APLP2: variants seen among roughly 807,000 people sequenced by gnomAD.
APLP2 encodes the protein CDEI box-binding protein.
APLP2 carries 53 observed loss-of-function variants against 89.9 expected under a neutral mutation model. The ratio of observed to expected loss-of-function variants is 0.59; its 90% CI spans 0.47 to 0.74. The LOEUF (loss-of-function observed/expected upper bound fraction) is 0.74, where lower values mean the gene tolerates loss of function less well. Ranked by LOEUF, APLP2 falls within the 30% of genes least tolerant of loss-of-function variation. APLP2 has a pLI of 0.00. For synonymous variants in APLP2, 372 were observed against 348.6 expected, an observed-to-expected ratio of 1.07 and a Z score of -0.75; for missense variants, 973 against 975.9, an observed-to-expected ratio of 1.00 and a Z score of 0.04.
rs559574802 is a variant in APLP2, at chr11:130,131,742, G to T, written c.1584+1576G>T. Among the ~76,000 whole-genome samples the T allele has an allele frequency of 2.6e-5, 4 of 152,322 alleles. No individual in the cohort carries two copies. In the East Asian group the frequency reaches 7.7e-4, roughly 29 times the overall value. ...TTCTAGCCAGTTTTGTGTGAGAGTA[G>T]AAGGGAAGGAGAGATTTTGATCAGT... On this transcript the variant is annotated intron_variant, in intron 11 of 16. Coordinates refer to ENST00000338167, the MANE Select transcript of APLP2 (RefSeq NM_001142276.2).
At chr11:130,114,385 T>C (rs1244125603) in intron 3 of APLP2, 2 of 152,236 alleles carry the variant, frequency 1.3e-5, no homozygotes, top group African/African-American at 4.8e-5. Context: ...GTGATCCTTT[T>C]GATTTATTCA....
chr11:130,133,255 C>G (rs112228016), intron 11 of APLP2, among the ~76,000 whole-genome samples: 1 of 151,868 alleles, frequency 6.6e-6, no homozygotes, highest in Admixed American at 6.6e-5. Context: ...CCCAGGTAGC[C>G]GTGACTGCAG....
Position 130,109,455 on chromosome 11 carries a change from A to G in APLP2, c.132A>G (p.Gly44=), listed in dbSNP as rs1243118011. The G allele has an allele frequency of 1.2e-6, 2 of 1,613,264 alleles. 1 individual carries two copies. The highest frequency in any genetic ancestry group is 2.2e-5 in the South Asian group (2 of 90,898). Residue 44 remains glycine (G), a synonymous_variant, in exon 2 of 17, where the codon GGA becomes GGG. Coordinates refer to ENST00000338167, the MANE Select transcript of APLP2 (RefSeq NM_001142276.2). ...CTCTTGCAGCCAATGCCGGAACAGG[A>G]TTTGCTGTTGCTGAGCCTCAAATCG... ...IEALAANAGT[G]FAVAEPQIAM...
chr11:130,095,139 T>C (rs11822232), intron 1 of APLP2, among the ~76,000 whole-genome samples: 32,125 of 152,182 alleles, frequency 0.21, 4,629 homozygotes, highest in East Asian at 0.43. Flanking sequence ...GGTTCACACC[T>C]GTAGTCCCAG....
chr11:130,123,656 A>G lies in APLP2; in HGVS notation c.967A>G (p.Met323Val), dbSNP rs1306322603. 1.9e-6 allele frequency: 3 copies of G among 1,614,242 alleles called. No individual in the cohort carries two copies. The highest frequency in any genetic ancestry group is 2.5e-6 in the Non-Finnish European group (3 of 1,180,036). ...EAMTGPCRAVMPRWYFDLSKG... is the reference protein window; with the variant it reads ...EAMTGPCRAVVPRWYFDLSKG... Reference sequence around the variant, plus strand: ...GATGACGGGGCCCTGCCGGGCCGTGATGCCTCGTTGGTACTTCGACCTCTC... The same window carrying G: ...GATGACGGGGCCCTGCCGGGCCGTGGTGCCTCGTTGGTACTTCGACCTCTC... Residue 323 changes from methionine (M) to valine (V), a missense_variant, in exon 7 of 17, where the codon ATG becomes GTG. Transcript: ENST00000338167. This position sits in a 1 kb window ranked among gnomAD's most constrained non-coding sequence, Gnocchi z 4.0.
chr11:130,075,720 C>T (rs572673541), intron 1 of APLP2, among the ~76,000 whole-genome samples: 18 of 152,256 alleles, frequency 1.2e-4, no homozygotes, highest in African/African-American at 3.6e-4. Context: ...CAGTAGAGGC[C>T]GAGGGTTGAA....
chr11:130,129,985 C>A, intron 10 of APLP2, 53 bp from the exon 11 acceptor site: 2 of 1,581,316 alleles, frequency 1.3e-6, no homozygotes, highest in Admixed American at 1.7e-5. Flanking sequence ...GTTTTCCTGC[C>A]TATTTTCAAT....
intron 3 of APLP2, among the ~76,000 whole-genome samples, chr11:130,111,142 C>A (rs999071601): frequency 5.3e-5 from 8 of 152,102 alleles, no homozygotes; most frequent in African/African-American, 1.9e-4. Context: ...GCTTATAGGA[C>A]CTGCCATTCT....
In APLP2 at chr11:130,143,720, A is replaced by G; in HGVS notation, c.*272A>G. 1 of 343,818 alleles carries G rather than the reference A, an allele frequency of 2.9e-6. No homozygotes were observed. The allele number at this position is 343,818 out of a possible 1,614,324, so 21.3% of individuals were successfully genotyped here. On this transcript the variant is annotated 3_prime_UTR_variant, in exon 17 of 17. Coordinates refer to ENST00000338167, the MANE Select transcript of APLP2 (RefSeq NM_001142276.2). ...TATTTGATGTAGTTTTCTTTTTTAAATTAATCAGAAACCCCACTTCCATTG... is the reference window on the plus strand; with the variant it reads ...TATTTGATGTAGTTTTCTTTTTTAAGTTAATCAGAAACCCCACTTCCATTG...
intron 1 of APLP2, among the ~76,000 whole-genome samples, chr11:130,089,448 T>C: frequency 6.6e-6 from 1 of 152,230 alleles, no homozygotes; most frequent in East Asian, 1.9e-4. Flanking sequence ...GTTACAGCTC[T>C]TCTCAGTTGC....
intron 1 of APLP2, among the ~76,000 whole-genome samples, chr11:130,087,742 C>T (rs1350549435): frequency 6.6e-6 from 1 of 152,146 alleles, no homozygotes; most frequent in Non-Finnish European, 1.5e-5. Flanking sequence ...AAGAGGCTTT[C>T]TGTGTAATAC....
At position 130,123,279 on chromosome 11, in the gene APLP2, C is replaced by G. The variant is rs1027883531; in HGVS notation, c.923-333C>G. On this transcript the variant is annotated intron_variant, in intron 6 of 16. Transcript: ENST00000338167. The surrounding 1 kb of genome is among the most constrained non-coding windows in gnomAD (Gnocchi z 4.0). ...TCACACTGTCTCCTGAATAGACAAA[C>G]TAGGCAGATACCTCCACTGAACAGA... Among the ~76,000 whole-genome samples the G allele has an allele frequency of 6.6e-6, 1 of 152,214 alleles. No homozygotes were observed. The highest frequency in any genetic ancestry group is 1.5e-5 in the Non-Finnish European group (1 of 68,046).
chr11:130,070,117 TTCGC>T, intron 1 of APLP2, 35 bp downstream of exon 1: 2 of 1,301,196 alleles, frequency 1.5e-6, no homozygotes, highest in Non-Finnish European at 2.0e-6. Context: ...AGTCGTCTCC[TTCGC>T]CCGCCGGAGG....
At chr11:130,127,727 A>G (rs1950537086) in intron 8 of APLP2, 39 bp from the exon 9 acceptor site, 1 of 1,564,306 alleles carries the variant, frequency 6.4e-7, no homozygotes, top group South Asian at 1.1e-5. Context: ...GTTTCGGGGT[A>G]TTAATCACTG....
intron 1 of APLP2, among the ~76,000 whole-genome samples, chr11:130,095,488 GA>G (rs1224761699): frequency 1.3e-5 from 2 of 152,218 alleles, no homozygotes; most frequent in Non-Finnish European, 2.9e-5. Flanking sequence ...TATCTGGACT[GA>G]AAAGATACAG....
intron 3 of APLP2, chr11:130,114,219 A>T (rs1294047218): frequency 6.6e-6 from 1 of 151,698 alleles, no homozygotes; most frequent in East Asian, 1.9e-4. Context: ...GTCCTTTGTG[A>T]CATTGATTTT....
chr11:130,095,628 C>G (rs1946093847), intron 1 of APLP2, among the ~76,000 whole-genome samples: 1 of 152,210 alleles, frequency 6.6e-6, no homozygotes, highest in African/African-American at 2.4e-5. Flanking sequence ...GAGCTCTAGC[C>G]TTGTACTGTG....
At chr11:130,086,678 C>T (rs1194785101) in intron 1 of APLP2, among the ~76,000 whole-genome samples, 1 of 152,086 alleles carries the variant, frequency 6.6e-6, no homozygotes, top group Non-Finnish European at 1.5e-5. Flanking sequence ...GTCTTTGATC[C>T]ATTTTGAGTT....
intron 3 of APLP2, among the ~76,000 whole-genome samples, chr11:130,117,834 A>T (rs1949371855): frequency 6.6e-6 from 1 of 152,170 alleles, no homozygotes; most frequent in South Asian, 2.1e-4. Flanking sequence ...ACACTTGGGG[A>T]GGCCGAGGCC....
Sources: gnomAD v4.1 joint callset for allele counts (sites outside exome capture counted in the v4.1 genomes callset) on GRCh38, gnomAD v4.1.1 for gene constraint, Gnocchi (gnomAD v3.1) non-coding constraint, MANE v1.5 for transcripts, NCBI Gene and HGNC (gene_info 2026-07-23, HGNC 2026-07-21) for gene names.